The following MYOM2 variants were observed in gnomAD, a reference collection of about 807,000 sequenced individuals.
The protein encoded by MYOM2 is myomesin-2.
A neutral mutation model predicts 187.6 loss-of-function variants in MYOM2; 254 were observed. That is an observed-to-expected ratio of 1.35 (90% CI 1.22 to 1.50). The LOEUF is 1.50. MYOM2 is among the 40% of genes most tolerant of loss of function. MYOM2 has a pLI of 0.00. For synonymous variants in MYOM2, 981 were observed against 753.8 expected (o/e 1.30, Z -4.94); for missense variants, 2,796 against 1,924.0 (o/e 1.45, Z -8.48).
At chr8:2,054,472 C>T (rs1041222462) in intron 3 of MYOM2, among the ~76,000 whole-genome samples, 9 of 152,166 alleles carry the variant, frequency 5.9e-5, no homozygotes, top group South Asian at 2.1e-4. Context: ...TGACAAATGA[C>T]GTTACTGTGC....
At chr8:2,096,606 A>G (rs987521372) in intron 18 of MYOM2, among the ~76,000 whole-genome samples, 172 bp downstream of exon 18, 1 of 152,226 alleles carries the variant, frequency 6.6e-6, no homozygotes, top group Non-Finnish European at 1.5e-5. Flanking sequence ...TAGGAATCAT[A>G]TTCTTTTTCT....
chr8:2,113,863 G>C (rs1215918567), intron 25 of MYOM2, among the ~76,000 whole-genome samples: 1 of 152,216 alleles, frequency 6.6e-6, no homozygotes, highest in Non-Finnish European at 1.5e-5. Context: ...CATGTGTTTG[G>C]TATTTCTCAC....
At chr8:2,077,901 C>T (rs1160331615) in intron 11 of MYOM2, among the ~76,000 whole-genome samples, 1 of 152,162 alleles carries the variant, frequency 6.6e-6, no homozygotes, top group Non-Finnish European at 1.5e-5. Context: ...TTGGTTTTGA[C>T]CTGTTGTTCT....
chr8:2,108,815 G>A lies in MYOM2; in HGVS notation c.3028G>A (p.Glu1010Lys), dbSNP rs777992247. 5.3e-5 allele frequency: 85 copies of A among 1,613,730 alleles called. No homozygotes were observed. Among genetic ancestry groups the A allele is most frequent in the Non-Finnish European group, 6.7e-5 (79 of 1,179,946 alleles). ...ELERLMALSN[E>K]IKNPTIPLKS... The stretch of plus-strand genomic sequence containing the variant: ...CGAGCGTTTGATGGCATTGAGCAAT[G>A]AAATAAAGAACCCCAGTAAGTAAGC... The change falls in exon 24 of 37, where the codon GAA becomes AAA. Residue 1010 changes from glutamate to lysine, a missense_variant. Coordinates refer to ENST00000262113, the MANE Select transcript of MYOM2 (RefSeq NM_003970.4).
intron 32 of MYOM2, among the ~76,000 whole-genome samples, chr8:2,139,217 T>C (rs1798191286): frequency 6.6e-6 from 1 of 152,198 alleles, no homozygotes. Context: ...CACAGCTCAC[T>C]GCAGCCTTGA....
rs776234545 is a variant in MYOM2 at position 2,109,449 on chromosome 8, G to C, written c.3098G>C (p.Arg1033Pro). ...AYEIFDKGRV[R>P]FWLQAEHLSP... ...GAGATTTTTGATAAGGGGCGGGTTC[G>C]CTTCTGGCTCCAGGCTGAGCACTTA... is the stretch of plus-strand genomic sequence containing the variant. The change falls in exon 25 of 37, where the codon CGC (arginine) becomes CCC (proline). Residue 1033 changes from arginine (R) to proline (P), a missense_variant. Transcript: ENST00000262113. 4 of 1,612,760 alleles carry C rather than the reference G, an allele frequency of 2.5e-6. No homozygotes were observed. Among genetic ancestry groups the C allele is most frequent in the Non-Finnish European group, 2.5e-6 (3 of 1,179,436 alleles).
At chr8:2,124,331 G>A in intron 31 of MYOM2, 114 bp downstream of exon 31, 1 of 1,064,942 alleles carries the variant, frequency 9.4e-7, no homozygotes, top group Non-Finnish European at 1.4e-6. Flanking sequence ...TGCGTGTTCT[G>A]TGGGAGGCCC....
In MYOM2 at chr8:2,100,875, G is replaced by A; in HGVS notation, c.2441-1G>A. 1 of 1,614,106 alleles carries A rather than the reference G, an allele frequency of 6.2e-7. No homozygotes were observed. The highest frequency in any genetic ancestry group is 8.5e-7 in the Non-Finnish European group (1 of 1,179,994). Reference sequence around the variant, plus strand: ...AAACAAGGTGGCATCTGACTTCACAGGTCCTGCCTACGACTTGACGTTCTG... The same window carrying A: ...AAACAAGGTGGCATCTGACTTCACAAGTCCTGCCTACGACTTGACGTTCTG... On this transcript the variant is annotated splice_acceptor_variant, in intron 19 of 36. Coordinates refer to ENST00000262113, the MANE Select transcript of MYOM2 (RefSeq NM_003970.4). LOFTEE classifies it high-confidence loss of function.
chr8:2,126,720 G>T (rs28405910), intron 31 of MYOM2, among the ~76,000 whole-genome samples: 2 of 145,142 alleles, frequency 1.4e-5, no homozygotes, highest in African/African-American at 5.2e-5. Flanking sequence ...GTGAGCACTG[G>T]GGGAGGCTGA....
chr8:2,120,233 G>A (rs868567202), intron 28 of MYOM2, among the ~76,000 whole-genome samples: 3 of 152,020 alleles, frequency 2.0e-5, no homozygotes, highest in Non-Finnish European at 4.4e-5. Flanking sequence ...AAGGGAAGAT[G>A]GAATAGGAAC....
In MYOM2 at chr8:2,124,226, A is replaced by C. The variant is rs375823972; in HGVS notation, c.3694+9A>C. 172 of 1,609,662 alleles carry C rather than the reference A, an allele frequency of 1.1e-4. No individual in the cohort carries two copies. Among genetic ancestry groups the C allele is most frequent in the Non-Finnish European group, 1.1e-4 (124 of 1,176,864 alleles). On this transcript the variant is annotated intron_variant, in intron 31 of 36. Coordinates refer to ENST00000262113, the MANE Select transcript of MYOM2 (RefSeq NM_003970.4). ...AATGAGTAGAGTCTGTGGTAAGTAA[A>C]TGCCTTTTAATTTTCAAGTCATTTG...
chr8:2,107,713 G>T (rs916614134), intron 23 of MYOM2, among the ~76,000 whole-genome samples: 1 of 152,152 alleles, frequency 6.6e-6, no homozygotes, highest in Non-Finnish European at 1.5e-5. Flanking sequence ...TCACAGGCAG[G>T]GTGGGGAAGG....
At chr8:2,086,853 C>G (rs1348713310) in intron 14 of MYOM2, among the ~76,000 whole-genome samples, 2 of 152,092 alleles carry the variant, frequency 1.3e-5, no homozygotes, top group Admixed American at 1.3e-4. Context: ...GTGCACAAGC[C>G]GTATGGCCAC....
chr8:2,134,289 C>G lies in MYOM2; in HGVS notation c.3800+5057C>G, dbSNP rs141377623. On this transcript the variant is annotated intron_variant, in intron 32 of 36. Transcript: ENST00000262113. ...CTCGGCCTGGGTGCCTTGAAGCCTTCTGTCAGTCACTCGGAAGCACGCCCC... is the reference window on the plus strand; with the variant it reads ...CTCGGCCTGGGTGCCTTGAAGCCTTGTGTCAGTCACTCGGAAGCACGCCCC... Among the ~76,000 whole-genome samples, 312 of 152,244 alleles carry G rather than the reference C, an allele frequency of 2.0e-3. 2 individuals are homozygous for G. Among genetic ancestry groups the G allele is most frequent in the African/African-American group, 6.7e-3 (279 of 41,526 alleles).
chr8:2,090,624 C>T (rs1169885719), intron 15 of MYOM2, among the ~76,000 whole-genome samples: 4 of 152,136 alleles, frequency 2.6e-5, no homozygotes, highest in Non-Finnish European at 1.5e-5. Flanking sequence ...CCTCCTCCCA[C>T]CCTAGACCCT....
At chr8:2,072,984 C>A (rs1819286124) in intron 9 of MYOM2, among the ~76,000 whole-genome samples, 1 of 152,224 alleles carries the variant, frequency 6.6e-6, no homozygotes, top group East Asian at 1.9e-4. Flanking sequence ...CTGCACACCC[C>A]TGTAATCCCC....
rs1798424224 is a variant in MYOM2 at position 2,145,313 on chromosome 8, G to GCGCC, written c.*332_*333insCGCC. ...CACCTGGACGTGTGCAGCATGTGGC[G>GCGCC]GTCTGTGTGAAGCCACCGTGCTTCT... On this transcript the variant is annotated 3_prime_UTR_variant, in exon 37 of 37. Transcript: ENST00000262113. 2.3e-6 allele frequency: 1 copy of GCGCC among 433,684 alleles called. No individual in the cohort carries two copies. Among genetic ancestry groups the GCGCC allele is most frequent in the Admixed American group, 4.4e-5 (1 of 22,702 alleles). 26.9% of individuals were successfully genotyped at this position (433,684 alleles called of 1,614,324 possible). A position where few individuals can be genotyped will look rare whatever the true frequency, so the allele number is the denominator to read the frequency against.
chr8:2,104,070 G>A (rs1348671198), intron 21 of MYOM2, among the ~76,000 whole-genome samples: 1 of 152,206 alleles, frequency 6.6e-6, no homozygotes, highest in African/African-American at 2.4e-5. Context: ...GGCAGGGGTT[G>A]TTCTTCGAAT....
chr8:2,056,856 G>T (rs1468188945), intron 3 of MYOM2, among the ~76,000 whole-genome samples: 2 of 152,204 alleles, frequency 1.3e-5, no homozygotes, highest in Non-Finnish European at 1.5e-5. Flanking sequence ...ATCCACAGAA[G>T]TTCCCTGATT....
Sources: gnomAD v4.1 joint callset for allele counts (sites outside exome capture counted in the v4.1 genomes callset) on GRCh38, gnomAD v4.1.1 for gene constraint, MANE v1.5 for transcripts, NCBI Gene and HGNC (gene_info 2026-07-23, HGNC 2026-07-21) for gene names.